Variants in DNAJB5 observed in about 807,000 individuals in gnomAD.
DNAJB5 encodes the protein dnaJ homolog subfamily B member 5.
A neutral mutation model predicts 32.6 loss-of-function variants in DNAJB5; 12 were observed. That is an observed-to-expected ratio of 0.37 (90% CI 0.24 to 0.60). The LOEUF is 0.60. Ranked by LOEUF, DNAJB5 falls within the 20% of genes least tolerant of loss-of-function variation. The pLI, the probability that DNAJB5 is intolerant of heterozygous loss-of-function variation, is 0.71. For missense variants in DNAJB5, 358 were observed against 554.2 expected, an observed-to-expected ratio of 0.65 and a Z score of 3.55; for synonymous variants, 188 against 212.9, an observed-to-expected ratio of 0.88 and a Z score of 1.02.
chr9:34,990,237 C>T lies in DNAJB5; in HGVS notation c.-132-262C>T. ...CGCCCATCTGCGAGGGAGGAGACTC[C>T]CGTCAGTGACTTCATTGAGTAGGTT... On this transcript the variant is annotated intron_variant, in intron 1 of 4. Transcript: ENST00000682809. This position sits in a 1 kb window ranked among gnomAD's most constrained non-coding sequence, Gnocchi z 4.5. The T allele has an allele frequency of 1.5e-6, 2 of 1,328,230 alleles. No individual in the cohort carries two copies. Among genetic ancestry groups the T allele is most frequent in the Middle Eastern group, 3.0e-4 (1 of 3,354 alleles). The allele number at this position is 1,328,230 out of a possible 1,614,324, so 82.3% of individuals were successfully genotyped here.
chr9:34,992,291 C>G (rs772527361), intron 2 of DNAJB5: 1 of 152,260 alleles, frequency 6.6e-6, no homozygotes, highest in African/African-American at 2.4e-5. Context: ...GATCCTAAAC[C>G]ACAGGGTGGA....
Position 34,990,132 on chromosome 9 carries a change from C to T in DNAJB5, c.-133+301C>T, listed in dbSNP as rs967261531. 12 of 778,426 alleles carry T rather than the reference C, an allele frequency of 1.5e-5. No homozygotes were observed. The African/African-American group carries it at 2.1e-4, about 14-fold the overall frequency. 48.2% of individuals were successfully genotyped at this position (778,426 alleles called of 1,614,324 possible). ...CAGCCAGCCAGCGCGGGTGACATCA[C>T]CGACCACCCTCCCCCGCCCGAGCCC... On this transcript the variant is annotated intron_variant, in intron 1 of 4. Coordinates refer to ENST00000682809, the MANE Select transcript of DNAJB5 (RefSeq NM_001349723.3). This position sits in a 1 kb window ranked among gnomAD's most constrained non-coding sequence, Gnocchi z 4.5.
chr9:34,992,724 G>A, intron 2 of DNAJB5: 2 of 958,194 alleles, frequency 2.1e-6, no homozygotes, highest in Non-Finnish European at 2.5e-6. Flanking sequence ...ACCCAGGCCT[G>A]TTCCCGGTCC....
In DNAJB5 at chr9:34,997,172, C is replaced by T. The variant is rs1251595310; in HGVS notation, c.1176C>T (p.Asp392=). Residue 392 remains aspartate (D), a synonymous_variant, in exon 5 of 5, where the codon GAC becomes GAT. Coordinates refer to ENST00000682809, the MANE Select transcript of DNAJB5 (RefSeq NM_001349723.3). This position sits in a 1 kb window ranked among gnomAD's most constrained non-coding sequence, Gnocchi z 4.1. ...PFPKVPTQRG[D]LIVEFKVRFP... ...CCAAAGTGCCAACTCAGCGAGGAGACCTCATTGTTGAGTTCAAAGTTCGCT... is the reference window on the plus strand; with the variant it reads ...CCAAAGTGCCAACTCAGCGAGGAGATCTCATTGTTGAGTTCAAAGTTCGCT... 1 of 1,614,182 alleles carries T rather than the reference C, an allele frequency of 6.2e-7. No homozygotes were observed. The highest frequency in any genetic ancestry group is 2.2e-5 in the East Asian group (1 of 44,876).
chr9:34,996,355 T>G lies in DNAJB5; in HGVS notation c.518T>G (p.Phe173Cys). ...HGDPHATFAS[F>C]FGGSNPFDIF... ...GACCCCCATGCCACCTTTGCCTCCT[T>G]CTTTGGTGGCTCCAACCCCTTCGAT... The change falls in exon 4 of 5, where the codon TTC (phenylalanine) becomes TGC (cysteine). Residue 173 changes from phenylalanine (F) to cysteine (C), a missense_variant. This residue lies in a region of DNAJB5 where 248 missense variants were observed against 442.6 expected (regional missense o/e 0.56). Coordinates refer to ENST00000682809, the MANE Select transcript of DNAJB5 (RefSeq NM_001349723.3). The surrounding 1 kb of genome is among the most constrained non-coding windows in gnomAD (Gnocchi z 7.2). 1 of 1,614,082 alleles carries G rather than the reference T, an allele frequency of 6.2e-7. No homozygotes were observed. Among genetic ancestry groups the G allele is most frequent in the Non-Finnish European group, 8.5e-7 (1 of 1,179,992 alleles).
At chr9:34,998,592 C>G (rs1446425179), downstream of DNAJB5, 1 of 152,036 alleles carries the variant, frequency 6.6e-6, no homozygotes, top group African/African-American at 2.4e-5. Context: ...ATTTCTAAAA[C>G]TTATACTTCA....
Position 34,990,351 on chromosome 9 carries a change from T to C in DNAJB5, c.-132-148T>C. On this transcript the variant is annotated intron_variant, in intron 1 of 4. Transcript: ENST00000682809. This position sits in a 1 kb window ranked among gnomAD's most constrained non-coding sequence, Gnocchi z 4.5. ...CTCACAATCACACCTGTCACAGGTA[T>C]ACACGCTGCCACTCACAAACACACG... is the stretch of plus-strand genomic sequence containing the variant. The C allele has an allele frequency of 6.7e-7, 1 of 1,491,686 alleles. No individual in the cohort carries two copies. The highest frequency in any genetic ancestry group is 8.9e-7 in the Non-Finnish European group (1 of 1,119,874). The allele number at this position is 1,491,686 out of a possible 1,614,324, so 92.4% of individuals were successfully genotyped here. A position where few individuals can be genotyped will look rare whatever the true frequency, so the allele number is the denominator to read the frequency against.
In DNAJB5 at chr9:34,996,057, A is replaced by G. The variant is rs1464583035; in HGVS notation, c.428-208A>G. Among the ~76,000 whole-genome samples the G allele has an allele frequency of 3.3e-5, 5 of 152,244 alleles. No individual in the cohort carries two copies. Among genetic ancestry groups the G allele is most frequent in the Admixed American group, 3.3e-4 (5 of 15,286 alleles). On this transcript the variant is annotated intron_variant, in intron 3 of 4. Coordinates refer to ENST00000682809, the MANE Select transcript of DNAJB5 (RefSeq NM_001349723.3). This position sits in a 1 kb window ranked among gnomAD's most constrained non-coding sequence, Gnocchi z 7.2. ...GGTAAGCAAGCCTCTTTGAATCTCA[A>G]GTTGTGCATCGTTATTAAATATATA...
intron 2 of DNAJB5, chr9:34,991,225 A>C: frequency 6.8e-6 from 3 of 440,854 alleles, no homozygotes; most frequent in African/African-American, 2.0e-5. Context: ...CTACCTTAAC[A>C]TCCTCCTCAT....
chr9:34,992,703 G>A, intron 2 of DNAJB5: 2 of 834,642 alleles, frequency 2.4e-6, no homozygotes, highest in Non-Finnish European at 2.9e-6. Flanking sequence ...GGCCAGGACA[G>A]CTGGCGGAAG....
In DNAJB5 at chr9:34,996,177, T is replaced by C. The variant is rs893979975; in HGVS notation, c.428-88T>C. 8 of 1,516,048 alleles carry C rather than the reference T, an allele frequency of 5.3e-6. No individual in the cohort carries two copies. Among genetic ancestry groups the C allele is most frequent in the African/African-American group, 1.4e-5 (1 of 71,856 alleles). The allele number at this position is 1,516,048 out of a possible 1,614,324, so 93.9% of individuals were successfully genotyped here. ...TAAAGGTTGCTTCTTTCTTTAAGCC[T>C]GTGAACTGGGAGCTAGAGGGCAGGG... On this transcript the variant is annotated intron_variant, in intron 3 of 4. Coordinates refer to ENST00000682809, the MANE Select transcript of DNAJB5 (RefSeq NM_001349723.3). This position sits in a 1 kb window ranked among gnomAD's most constrained non-coding sequence, Gnocchi z 7.2.
intron 2 of DNAJB5, chr9:34,992,987 G>A (rs1464468432): frequency 1.4e-6 from 2 of 1,397,656 alleles, no homozygotes; most frequent in South Asian, 3.2e-5. Flanking sequence ...AACCCAGGAG[G>A]TGAGGACGGA....
rs200187296 is a variant in DNAJB5, at chr9:34,991,622, C to CT, written c.182+810_182+811insT. 5.1e-3 allele frequency: 989 copies of CT among 194,528 alleles called. 18 individuals carry two copies. The highest frequency in any genetic ancestry group is 9.3e-3 in the Non-Finnish European group (829 of 89,322). The allele number at this position is 194,528 out of a possible 1,614,324, so 12.1% of individuals were successfully genotyped here. A position where few individuals can be genotyped will look rare whatever the true frequency, so the allele number is the denominator to read the frequency against. ...AGGCAGAAATGGCAGACCACCCCCCCCCGCTCCCTCTCAGACGGCTTTTGC... is the reference window on the plus strand; with the variant it reads ...AGGCAGAAATGGCAGACCACCCCCCCTCCGCTCCCTCTCAGACGGCTTTTGC... On this transcript the variant is annotated intron_variant, in intron 2 of 4. Transcript: ENST00000682809.
chr9:34,989,961 GT>G, intron 1 of DNAJB5, 130 bp downstream of exon 1: 1 of 1,109,748 alleles, frequency 9.0e-7, no homozygotes, highest in Admixed American at 3.7e-5. Flanking sequence ...GGGCCCCGGG[GT>G]CTGCAGGGTG....
rs1240913774 is a variant in DNAJB5, at chr9:34,993,209, G to C, written c.192G>C (p.Glu64Asp). 4.3e-6 allele frequency: 7 copies of C among 1,612,700 alleles called. No homozygotes were observed. Among genetic ancestry groups the C allele is most frequent in the African/African-American group, 2.7e-5 (2 of 74,684 alleles). ...CCTGGGTTTCTTTCAGAAACAAGGAGACCAGTGCTGGTCCAGTGGCTGTGA... is the reference window on the plus strand; with the variant it reads ...CCTGGGTTTCTTTCAGAAACAAGGACACCAGTGCTGGTCCAGTGGCTGTGA... The part of the protein sequence containing the change: ...LNGFVKFRNK[E>D]TSAGPVAVMG... Residue 64 changes from glutamate (E) to aspartate (D), a missense_variant, in exon 3 of 5, where the codon GAG becomes GAC. Coordinates refer to ENST00000682809, the MANE Select transcript of DNAJB5 (RefSeq NM_001349723.3). The surrounding 1 kb of genome is among the most constrained non-coding windows in gnomAD (Gnocchi z 4.7).
In DNAJB5 at chr9:34,990,645, A is replaced by T; in HGVS notation, c.15A>T (p.Thr5=). The T allele has an allele frequency of 6.4e-7, 1 of 1,551,630 alleles. No homozygotes were observed. Among genetic ancestry groups the T allele is most frequent in the South Asian group, 1.2e-5 (1 of 84,062 alleles). The change falls in exon 2 of 5, where the codon ACA becomes ACT. Residue 5 remains threonine (T), a synonymous_variant. Coordinates refer to ENST00000682809, the MANE Select transcript of DNAJB5 (RefSeq NM_001349723.3). The surrounding 1 kb of genome is among the most constrained non-coding windows in gnomAD (Gnocchi z 4.5). MFKR[T]VLSCPPPAAP... is the part of the protein sequence containing the mutation. ...CTTGGCTGGGCATGTTTAAGCGCAC[A>T]GTGCTCTCCTGCCCACCCCCAGCAG...
chr9:34,992,848 T>G, intron 2 of DNAJB5: 1 of 1,090,976 alleles, frequency 9.2e-7, no homozygotes, highest in South Asian at 2.9e-5. Flanking sequence ...AGCTCCTGTG[T>G]GTGGGTCGCT....
chr9:34,991,477 T>C (rs1827627004), intron 2 of DNAJB5: 1 of 452,470 alleles, frequency 2.2e-6, no homozygotes, highest in Non-Finnish European at 4.4e-6. Flanking sequence ...CAAAAGGAGG[T>C]GGGTGGTTGG....
At chr9:34,998,744 A>T (rs1827867739), downstream of DNAJB5, 1 of 150,658 alleles carries the variant, frequency 6.6e-6, no homozygotes, top group Non-Finnish European at 1.5e-5. Context: ...TCTTGTCTAA[A>T]TTTTCTCTGA....
Sources: allele counts gnomAD v4.1 joint callset (sites outside exome capture counted in the v4.1 genomes callset), GRCh38; gene constraint gnomAD v4.1.1; regional missense constraint gnomAD v4.1.1; non-coding constraint Gnocchi (gnomAD v3.1); transcripts MANE v1.5; gene names NCBI Gene and HGNC (gene_info 2026-07-23, HGNC 2026-07-21).